Variants in CLSTN2 observed in about 807,000 individuals in gnomAD.
CLSTN2 encodes the protein calsyntenin 2.
Under a neutral mutation model 101.2 loss-of-function variants are expected in CLSTN2, and 48 were observed. The observed-to-expected ratio is 0.47, with a 90% CI of 0.38 to 0.60. The LOEUF is 0.60. Among genes scored for constraint, CLSTN2 ranks in the 20% least tolerant of loss-of-function variants. The pLI, the probability that CLSTN2 is intolerant of heterozygous loss-of-function variation, is 0.00. For synonymous variants in CLSTN2, 481 were observed against 463.6 expected, an observed-to-expected ratio of 1.04 and a Z score of -0.48; for missense variants, 1,160 against 1,238.2, an observed-to-expected ratio of 0.94 and a Z score of 0.95.
At chr3:139,967,223 T>C (rs1433165775) in intron 1 of CLSTN2, among the ~76,000 whole-genome samples, 1 of 152,188 alleles carries the variant, frequency 6.6e-6, no homozygotes, top group Non-Finnish European at 1.5e-5. Context: ...GAATAAGGAC[T>C]ACTTTGAAAG....
At chr3:140,276,040 C>G (rs962784676) in intron 2 of CLSTN2, among the ~76,000 whole-genome samples, 4 of 152,140 alleles carry the variant, frequency 2.6e-5, no homozygotes, top group African/African-American at 9.7e-5. Context: ...GCTGCCTGGG[C>G]TTTAACATGG....
At chr3:140,131,207 T>TA (rs950620720) in intron 1 of CLSTN2, among the ~76,000 whole-genome samples, 5 of 152,062 alleles carry the variant, frequency 3.3e-5, no homozygotes, top group Admixed American at 2.0e-4. Flanking sequence ...ACCCATTTTA[T>TA]AATTTCTAAT....
rs1933945572 is a variant in CLSTN2, at chr3:140,474,951, GA to G, written c.1344+8222del. ...ACTTTCTCAGGGGCCTCAGTGGAAA[GA>G]AGCCCCCACTACACGCAATGATAAC... On this transcript the variant is annotated intron_variant, in intron 8 of 16. Coordinates refer to ENST00000458420, the MANE Select transcript of CLSTN2 (RefSeq NM_022131.3). 1.3e-5 allele frequency among the ~76,000 whole-genome samples: 2 copies of G among 150,516 alleles called. 1 individual carries two copies. Among genetic ancestry groups the G allele is most frequent in the Non-Finnish European group, 3.0e-5 (2 of 66,966 alleles).
chr3:140,558,521 C>A (rs1935844308), intron 11 of CLSTN2, 119 bp from the exon 12 acceptor site: 1 of 695,972 alleles, frequency 1.4e-6, no homozygotes, highest in South Asian at 1.9e-5. Flanking sequence ...TCCTCAGAGA[C>A]ACTTACGCAG....
intron 2 of CLSTN2, among the ~76,000 whole-genome samples, chr3:140,201,305 G>A (rs1473540343): frequency 6.6e-6 from 1 of 152,144 alleles, no homozygotes. Flanking sequence ...AATAGAGCAG[G>A]AAAGCCTGGA....
rs369329154 is a variant in CLSTN2 at position 139,997,047 on chromosome 3, C to CAAAAA, written c.109+61579_109+61583dup. Among the ~76,000 whole-genome samples, 3 of 84,984 alleles carry CAAAAA rather than the reference C, an allele frequency of 3.5e-5. 1 individual carries two copies. Among genetic ancestry groups the CAAAAA allele is most frequent in the Non-Finnish European group, 6.3e-5 (3 of 47,564 alleles). The allele number at this position is 84,984 out of a possible 152,430, so 55.8% of individuals were successfully genotyped here. ...GGGCAACAAGAGCAAGACTCTGTCT[C>CAAAAA]AAAAAAAAAAAAAAAAAAAGAAAAG... On this transcript the variant is annotated intron_variant, in intron 1 of 16. Coordinates refer to ENST00000458420, the MANE Select transcript of CLSTN2 (RefSeq NM_022131.3).
intron 1 of CLSTN2, among the ~76,000 whole-genome samples, chr3:139,952,615 C>T (rs1015373755): frequency 3.9e-5 from 6 of 152,244 alleles, no homozygotes; most frequent in Middle Eastern, 3.4e-3. Context: ...CCTATGACAG[C>T]CAGACAAAAG....
chr3:140,048,102 G>A (rs1466434951), intron 1 of CLSTN2, among the ~76,000 whole-genome samples: 1 of 152,172 alleles, frequency 6.6e-6, no homozygotes, highest in Non-Finnish European at 1.5e-5. Context: ...GAATATGGCT[G>A]AAAATTGTGA....
At chr3:140,389,341 A>G (rs2088087331) in intron 2 of CLSTN2, among the ~76,000 whole-genome samples, 1 of 152,116 alleles carries the variant, frequency 6.6e-6, no homozygotes. Flanking sequence ...CCCCATGTCC[A>G]TGTGTTCTCA....
At chr3:140,485,077 C>T (rs1490346350) in intron 8 of CLSTN2, among the ~76,000 whole-genome samples, 1 of 152,140 alleles carries the variant, frequency 6.6e-6, no homozygotes. Flanking sequence ...TGTTTTTCCC[C>T]CATCTTTGTG....
intron 2 of CLSTN2, among the ~76,000 whole-genome samples, chr3:140,284,865 G>T (rs1374881536): frequency 1.3e-5 from 2 of 151,998 alleles, no homozygotes; most frequent in Non-Finnish European, 2.9e-5. Context: ...GTCAGTAGGG[G>T]CTTTGTCTTT....
In CLSTN2 at chr3:140,566,501, G is replaced by T; in HGVS notation, c.*248G>T. 1 of 524,094 alleles carries T rather than the reference G, an allele frequency of 1.9e-6. No individual in the cohort carries two copies. Among genetic ancestry groups the T allele is most frequent in the Non-Finnish European group, 3.4e-6 (1 of 291,960 alleles). 32.5% of individuals were successfully genotyped at this position (524,094 alleles called of 1,614,324 possible). ...ACTTTGTCCTGTAGCCTCCACTTCTGCCCTAAGTTCCCCAGCATCCTGACT... is the reference window on the plus strand; with the variant it reads ...ACTTTGTCCTGTAGCCTCCACTTCTTCCCTAAGTTCCCCAGCATCCTGACT... On this transcript the variant is annotated 3_prime_UTR_variant, in exon 17 of 17. Transcript: ENST00000458420.
rs963947032 is a variant in CLSTN2, at chr3:140,323,916, A to C, written c.233-79713A>C. Among the ~76,000 whole-genome samples, 7 of 152,370 alleles carry C rather than the reference A, an allele frequency of 4.6e-5. No individual in the cohort carries two copies. In the East Asian group the frequency reaches 1.3e-3, roughly 29 times the overall value. Reference sequence around the variant, plus strand: ...CTTTTCTTCACAACATGGCTGCAACAGTTGCGAATGTCATATCCTCACCCA... The same window carrying C: ...CTTTTCTTCACAACATGGCTGCAACCGTTGCGAATGTCATATCCTCACCCA... On this transcript the variant is annotated intron_variant, in intron 2 of 16. Coordinates refer to ENST00000458420, the MANE Select transcript of CLSTN2 (RefSeq NM_022131.3).
chr3:140,389,645 A>G (rs1365741775), intron 2 of CLSTN2, among the ~76,000 whole-genome samples: 1 of 152,206 alleles, frequency 6.6e-6, no homozygotes, highest in African/African-American at 2.4e-5. Flanking sequence ...TTGGGTATAT[A>G]CCCAGTAATG....
chr3:140,081,751 T>G (rs1200043555), intron 1 of CLSTN2, among the ~76,000 whole-genome samples: 6 of 152,168 alleles, frequency 3.9e-5, no homozygotes, highest in Non-Finnish European at 8.8e-5. Flanking sequence ...GGTTAGAGCC[T>G]TGCTCATTCC....
intron 2 of CLSTN2, among the ~76,000 whole-genome samples, chr3:140,271,067 C>T (rs2086737793): frequency 6.6e-6 from 1 of 152,162 alleles, no homozygotes; most frequent in Non-Finnish European, 1.5e-5. Flanking sequence ...GATTTCCTTC[C>T]CGGGGAGCCA....
At chr3:140,003,394 A>G (rs568602356) in intron 1 of CLSTN2, among the ~76,000 whole-genome samples, 2 of 152,082 alleles carry the variant, frequency 1.3e-5, no homozygotes, top group Non-Finnish European at 2.9e-5. Context: ...TTGTATGTTG[A>G]TTTTGTATCC....
intron 8 of CLSTN2, among the ~76,000 whole-genome samples, chr3:140,528,497 C>T (rs1935190590): frequency 6.6e-6 from 1 of 152,178 alleles, no homozygotes; most frequent in South Asian, 2.1e-4. Context: ...TTGTCAATTC[C>T]ATGGCTGGAC....
At chr3:140,429,873 C>A (rs57048298) in intron 5 of CLSTN2, among the ~76,000 whole-genome samples, 4,330 of 152,036 alleles carry the variant, frequency 0.028, 199 homozygotes, top group African/African-American at 0.098. Context: ...GGCAGTTGGG[C>A]GTGTCTGGGG....
Sources: allele counts gnomAD v4.1 joint callset (sites outside exome capture counted in the v4.1 genomes callset), GRCh38; gene constraint gnomAD v4.1.1; transcripts MANE v1.5; gene names NCBI Gene and HGNC (gene_info 2026-07-23, HGNC 2026-07-21).